Variants in MAPK6 observed in about 807,000 individuals in gnomAD.
MAPK6 encodes the protein ERK-3.
MAPK6 carries 19 observed loss-of-function variants against 59.3 expected under a neutral mutation model. The ratio of observed to expected loss-of-function variants is 0.32; its 90% confidence interval spans 0.22 to 0.47. The LOEUF (loss-of-function observed/expected upper bound fraction) is 0.47. MAPK6 is among the 20% of genes least tolerant of loss of function. The pLI is 1.00. For missense variants in MAPK6, 724 were observed against 847.9 expected (o/e 0.85, Z 1.81); for synonymous variants, 316 against 290.3 (o/e 1.09, Z -0.90).
chr15:52,032,525 C>T (rs533574491), intron 1 of MAPK6, among the ~76,000 whole-genome samples: 3 of 151,806 alleles, frequency 2.0e-5, no homozygotes, highest in East Asian at 3.9e-4. Context: ...TTTATATTTT[C>T]GAGATATTTA....
chr15:52,032,174 C>T (rs554113697), intron 1 of MAPK6, among the ~76,000 whole-genome samples: 140 of 140,986 alleles, frequency 9.9e-4, no homozygotes, highest in African/African-American at 3.6e-3. Context: ...GTGCCCAGCC[C>T]AACAATTTTT....
At chr15:51,987,440 A>C (rs1161940254) in intron 2 of MAPK6, among the ~76,000 whole-genome samples, 10 of 152,100 alleles carry the variant, frequency 6.6e-5, no homozygotes, top group African/African-American at 2.4e-4. Flanking sequence ...CGTCGTCTCT[A>C]CTAAAAATAC....
chr15:52,061,650 A>G (rs2032205123), intron 5 of MAPK6, 150 bp downstream of exon 5: 1 of 643,750 alleles, frequency 1.6e-6, no homozygotes, highest in East Asian at 2.8e-5. Flanking sequence ...GTGTGGTGGC[A>G]GGCGCCTGTA....
At chr15:51,983,930 G>A (rs1194434462) in intron 2 of MAPK6, among the ~76,000 whole-genome samples, 1 of 151,496 alleles carries the variant, frequency 6.6e-6, no homozygotes, top group African/African-American at 2.4e-5. Context: ...AGGCTGCAGT[G>A]AACTATGATT....
At position 52,066,247 on chromosome 15, in the gene MAPK6, A is replaced by G. The variant is rs929394547; in HGVS notation, c.*1247A>G. The G allele has an allele frequency of 8.5e-5, 13 of 152,348 alleles. No homozygotes were observed. Among genetic ancestry groups the G allele is most frequent in the African/African-American group, 3.1e-4 (13 of 41,464 alleles). The allele number at this position is 152,348 out of a possible 1,614,324, so 9.4% of individuals were successfully genotyped here. On this transcript the variant is annotated 3_prime_UTR_variant, in exon 6 of 6. Transcript: ENST00000261845. Reference sequence around the variant, plus strand: ...CTGTTTGAAGAAAAAGGACAAATAAAACATGGCCAGCAAATACAGCTCCTG... The same window carrying G: ...CTGTTTGAAGAAAAAGGACAAATAAGACATGGCCAGCAAATACAGCTCCTG...
chr15:52,006,916 T>G (rs1384107480), intron 3 of MAPK6, among the ~76,000 whole-genome samples: 1 of 152,180 alleles, frequency 6.6e-6, no homozygotes, highest in East Asian at 1.9e-4. Flanking sequence ...CAAAAGTTGA[T>G]TTCTAACTTG....
chr15:52,056,119 C>A (rs1245348820), intron 3 of MAPK6, among the ~76,000 whole-genome samples: 3 of 152,192 alleles, frequency 2.0e-5, no homozygotes, highest in Admixed American at 2.0e-4. Flanking sequence ...ACCAAGCACT[C>A]ATTGGAAATC....
intron 3 of MAPK6, among the ~76,000 whole-genome samples, chr15:52,013,501 T>C (rs1277063500): frequency 1.3e-5 from 2 of 152,150 alleles, no homozygotes; most frequent in African/African-American, 4.8e-5. Flanking sequence ...AAGAGGGAAC[T>C]TAAAGAGGTA....
At chr15:52,019,640 C>T (rs2030429318) in intron 1 of MAPK6, among the ~76,000 whole-genome samples, 2 of 146,376 alleles carry the variant, frequency 1.4e-5, no homozygotes, top group South Asian at 2.1e-4. Context: ...GGGGTCCCCG[C>T]GTGGGGCCGG....
intron 3 of MAPK6, among the ~76,000 whole-genome samples, chr15:52,004,960 G>A (rs2057253560): frequency 6.6e-6 from 1 of 152,204 alleles, no homozygotes; most frequent in Non-Finnish European, 1.5e-5. Flanking sequence ...GAGAGATGCA[G>A]GCAGAGACTG....
intron 5 of MAPK6, among the ~76,000 whole-genome samples, chr15:52,062,899 T>G (rs2032259396): frequency 6.6e-6 from 1 of 152,200 alleles, no homozygotes; most frequent in African/African-American, 2.4e-5. Flanking sequence ...ATCAGGTGAT[T>G]TTGATGTATG....
intron 1 of MAPK6, among the ~76,000 whole-genome samples, chr15:52,027,387 A>G (rs921477956): frequency 7.2e-5 from 10 of 138,482 alleles, no homozygotes; most frequent in African/African-American, 2.4e-4. Context: ...CTGTCACATA[A>G]TAGGTCCTTA....
intron 3 of MAPK6, among the ~76,000 whole-genome samples, chr15:52,013,555 C>T (rs1469619630): frequency 1.3e-5 from 2 of 152,166 alleles, no homozygotes; most frequent in Non-Finnish European, 2.9e-5. Flanking sequence ...TCTGACTCAT[C>T]TAAGCATTCA....
chr15:52,039,337 A>G (rs2031340599), intron 1 of MAPK6, among the ~76,000 whole-genome samples: 1 of 152,066 alleles, frequency 6.6e-6, no homozygotes, highest in Non-Finnish European at 1.5e-5. Context: ...AGTCATCCAT[A>G]CTGGAAAATA....
chr15:52,012,987 GAAAAAAAAAAAAAAAAAAAAAAA>G (rs869196156), intron 3 of MAPK6, among the ~76,000 whole-genome samples: 15 of 26,626 alleles, frequency 5.6e-4, no homozygotes, highest in Admixed American at 1.2e-3. Context: ...ACTCCGCCTG[GAAAAAAAAAAAAAAAAAAAAAAA>G]AAAAAAAAAA....
chr15:51,995,782 G>A (rs1016541565), intron 2 of MAPK6, among the ~76,000 whole-genome samples: 5 of 152,106 alleles, frequency 3.3e-5, no homozygotes, highest in Admixed American at 6.6e-5. Context: ...ACAAAAATTA[G>A]CCAGGCATGG....
intron 2 of MAPK6, among the ~76,000 whole-genome samples, chr15:52,047,440 G>C (rs566282074): frequency 1.3e-5 from 2 of 152,196 alleles, no homozygotes; most frequent in East Asian, 3.9e-4. Context: ...TCATCCCCTG[G>C]ATTCAAGCGA....
chr15:52,059,232 AC>A (rs1230613644), intron 4 of MAPK6, among the ~76,000 whole-genome samples: 1 of 152,152 alleles, frequency 6.6e-6, no homozygotes, highest in African/African-American at 2.4e-5. Flanking sequence ...CTTGCTCGTA[AC>A]CCTGTAGCCA....
chr15:51,984,105 C>T (rs950880849), intron 2 of MAPK6, among the ~76,000 whole-genome samples: 1 of 151,634 alleles, frequency 6.6e-6, no homozygotes, highest in Non-Finnish European at 1.5e-5. Context: ...TGGAACCCAT[C>T]AAAACACCCA....
Sources: allele counts gnomAD v4.1 joint callset (sites outside exome capture counted in the v4.1 genomes callset), GRCh38; gene constraint gnomAD v4.1.1; transcripts MANE v1.5; gene names NCBI Gene and HGNC (gene_info 2026-07-23, HGNC 2026-07-21).